The following UBE3B variants were observed in gnomAD, a reference collection of about 807,000 sequenced individuals.
UBE3B encodes the protein ubiquitin-protein ligase E3B.
A neutral mutation model predicts 132.3 loss-of-function variants in UBE3B; 80 were observed. The ratio of observed to expected loss-of-function variants is 0.60; its 90% CI spans 0.50 to 0.73. The LOEUF (loss-of-function observed/expected upper bound fraction) is 0.73. Among genes scored for constraint, UBE3B ranks in the 30% least tolerant of loss-of-function variants. The pLI is 0.00. For missense variants in UBE3B, 1,196 were observed against 1,362.5 expected, an observed-to-expected ratio of 0.88 and a Z score of 1.92; for synonymous variants, 487 against 520.4, an observed-to-expected ratio of 0.94 and a Z score of 0.87.
At chr12:109,544,643 G>T in the UBE3B span, among the ~76,000 whole-genome samples, 1 of 152,148 alleles carries the variant, frequency 6.6e-6, no homozygotes, top group Non-Finnish European at 1.5e-5. Flanking sequence ...TCCCCTCTGT[G>T]TGCCTGGATA....
At chr12:109,509,444 C>A in intron 15 of UBE3B, 152 bp from the exon 16 acceptor site, 1 of 548,250 alleles carries the variant, frequency 1.8e-6, no homozygotes, top group East Asian at 3.1e-5. Context: ...CTGATGATAT[C>A]ATATCATTTT....
At chr12:109,528,360 ATACC>A in intron 24 of UBE3B, 1 of 985,344 alleles carries the variant, frequency 1.0e-6, no homozygotes, top group Non-Finnish European at 1.2e-6. Context: ...GCTTCAAAGT[ATACC>A]TGGAAGGAGG....
downstream of UBE3B, among the ~76,000 whole-genome samples, chr12:109,539,860 C>T (rs1195909114): frequency 6.6e-6 from 1 of 152,102 alleles, no homozygotes; most frequent in Admixed American, 6.5e-5. Flanking sequence ...GGGGCAGCAG[C>T]TCCTCCACCC....
chr12:109,519,312 AC>A (rs556990129), intron 19 of UBE3B, among the ~76,000 whole-genome samples: 18 of 152,338 alleles, frequency 1.2e-4, no homozygotes, highest in Non-Finnish European at 2.2e-4. Flanking sequence ...ACGCTGACTC[AC>A]ATTCACCTCC....
intron 6 of UBE3B, 132 bp downstream of exon 6, chr12:109,486,707 A>T: frequency 1.3e-6 from 1 of 755,716 alleles, no homozygotes; most frequent in Non-Finnish European, 2.1e-6. Flanking sequence ...CTGTTCTGGA[A>T]GAGAGGAATT....
At chr12:109,482,121 C>T (rs932518011) in intron 2 of UBE3B, among the ~76,000 whole-genome samples, 4 of 152,120 alleles carry the variant, frequency 2.6e-5, no homozygotes, top group Non-Finnish European at 5.9e-5. Flanking sequence ...CTTTCAATAA[C>T]ACGTAATTAA....
At chr12:109,518,457 C>T (rs1881325052) in intron 19 of UBE3B, among the ~76,000 whole-genome samples, 1 of 152,192 alleles carries the variant, frequency 6.6e-6, no homozygotes, top group Non-Finnish European at 1.5e-5. Context: ...CAAATTCAAC[C>T]TGTGGGCCAC....
chr12:109,488,498 G>T, intron 6 of UBE3B, 74 bp from the exon 7 acceptor site: 1 of 1,362,240 alleles, frequency 7.3e-7, no homozygotes, highest in East Asian at 2.3e-5. Flanking sequence ...CCATAGAGCA[G>T]TTGTAAAGTG....
chr12:109,496,280 T>A (rs1490277100), intron 9 of UBE3B, among the ~76,000 whole-genome samples: 1 of 152,256 alleles, frequency 6.6e-6, no homozygotes, highest in Non-Finnish European at 1.5e-5. Flanking sequence ...TATTCCATTA[T>A]ATGGATATAC....
At chr12:109,503,258 G>C in intron 14 of UBE3B, 68 bp downstream of exon 14, 2 of 1,563,474 alleles carry the variant, frequency 1.3e-6, no homozygotes, top group Non-Finnish European at 1.7e-6. Context: ...AGCAAAAGTC[G>C]ATGTTTTTTT....
intron 2 of UBE3B, 41 bp from the exon 3 acceptor site, chr12:109,483,490 C>A: frequency 2.0e-6 from 3 of 1,503,164 alleles, no homozygotes; most frequent in Non-Finnish European, 2.7e-6. Flanking sequence ...GTGTTTTTCA[C>A]ACAACAATCT....
At chr12:109,508,641 T>C (rs1005550562) in intron 15 of UBE3B, 16 of 985,490 alleles carry the variant, frequency 1.6e-5, no homozygotes, top group Non-Finnish European at 1.9e-5. Context: ...GTGAGGATCA[T>C]GGAAGAACTC....
chr12:109,531,631 G>GT (rs1882949969), intron 26 of UBE3B, among the ~76,000 whole-genome samples: 2 of 152,132 alleles, frequency 1.3e-5, no homozygotes. Flanking sequence ...TCTGAGGAGA[G>GT]TTTATTCCTG....
rs1882847276 is a variant in UBE3B, at chr12:109,530,652, T to C, written c.2916T>C (p.Phe972=). The C allele has an allele frequency of 3.1e-6, 5 of 1,614,120 alleles. No homozygotes were observed. Among genetic ancestry groups the C allele is most frequent in the Non-Finnish European group, 4.2e-6 (5 of 1,179,944 alleles). The change falls in exon 26 of 28, where the codon TTT becomes TTC. Residue 972 remains phenylalanine, a synonymous_variant. Coordinates refer to ENST00000342494, the MANE Select transcript of UBE3B (RefSeq NM_130466.4). ...SDFTPDERAM[F]LKFVTSCSRP... ...TCACACCGGATGAGAGAGCTATGTT[T>C]CTGAAGGTATTTTATTTATTACCTA...
At chr12:109,513,809 C>T (rs879523343) in intron 18 of UBE3B, among the ~76,000 whole-genome samples, 6 of 152,088 alleles carry the variant, frequency 3.9e-5, no homozygotes, top group East Asian at 1.9e-4. Flanking sequence ...CTTCCTGCTC[C>T]GTGATTGCAG....
chr12:109,494,688 G>A (rs767814728), intron 9 of UBE3B, among the ~76,000 whole-genome samples: 3 of 152,206 alleles, frequency 2.0e-5, no homozygotes, highest in Non-Finnish European at 2.9e-5. Context: ...TGGGGAAATC[G>A]GTAATAAGAA....
intron 25 of UBE3B, among the ~76,000 whole-genome samples, 184 bp downstream of exon 25, chr12:109,530,256 G>A (rs1882809716): frequency 6.6e-6 from 1 of 152,222 alleles, no homozygotes; most frequent in Non-Finnish European, 1.5e-5. Context: ...AGATTAAGAA[G>A]TGGAAGCAGG....
intron 1 of UBE3B, among the ~76,000 whole-genome samples, chr12:109,479,739 A>G (rs1875032333): frequency 1.3e-5 from 2 of 152,234 alleles, no homozygotes; most frequent in African/African-American, 4.8e-5. Flanking sequence ...AACCAATAAC[A>G]TTGCTGAAGG....
intron 19 of UBE3B, among the ~76,000 whole-genome samples, chr12:109,517,472 A>G (rs1014633353): frequency 3.3e-5 from 5 of 152,214 alleles, no homozygotes; most frequent in Non-Finnish European, 7.3e-5. Context: ...CTCATATGTC[A>G]GAAAATTGTC....
Sources: gnomAD v4.1 joint callset for allele counts (sites outside exome capture counted in the v4.1 genomes callset) on GRCh38, gnomAD v4.1.1 for gene constraint, MANE v1.5 for transcripts, NCBI Gene and HGNC (gene_info 2026-07-23, HGNC 2026-07-21) for gene names.